Variants in CASK observed in about 807,000 individuals in gnomAD.
CASK encodes the protein peripheral plasma membrane protein CASK.
A neutral mutation model predicts 82.9 loss-of-function variants in CASK; 4 were observed. The ratio of observed to expected loss-of-function variants is 0.05; its 90% CI spans 0.02 to 0.11. The LOEUF (loss-of-function observed/expected upper bound fraction) is 0.11, where lower values mean the gene tolerates loss of function less well. Among genes scored for constraint, CASK ranks in the 10% least tolerant of loss-of-function variants. The pLI is 1.00. For missense variants in CASK, 358 were observed against 720.9 expected (o/e 0.50, Z 5.76); for synonymous variants, 259 against 253.5 (o/e 1.02, Z -0.20).
At chrX:41,532,271 G>T (rs1022459159) in intron 24 of CASK, among the ~76,000 whole-genome samples, 15 of 112,159 alleles carry the variant, frequency 1.3e-4, no homozygotes, top group African/African-American at 4.9e-4. Flanking sequence ...AGTTTTACTG[G>T]AACACAGCCA....
At chrX:41,922,207 A>G (rs1160206829) in intron 1 of CASK, among the ~76,000 whole-genome samples, 1 of 112,129 alleles carries the variant, frequency 8.9e-6, no homozygotes, top group African/African-American at 3.3e-5. Context: ...TATACAACAC[A>G]GATGAAAGGA....
chrX:41,672,273 A>G (rs1344907772), intron 5 of CASK, among the ~76,000 whole-genome samples: 2 of 110,605 alleles, frequency 1.8e-5, no homozygotes, highest in Non-Finnish European at 3.8e-5. Context: ...CCTTTATATC[A>G]TATGCTTTGT....
At chrX:41,754,182 G>C (rs2068848095) in intron 3 of CASK, among the ~76,000 whole-genome samples, 1 of 111,018 alleles carries the variant, frequency 9.0e-6, no homozygotes, top group Non-Finnish European at 1.9e-5. Context: ...AGGATCACTT[G>C]AGCCCAGGAG....
chrX:41,660,134 C>T, intron 8 of CASK: 1 of 370,759 alleles, frequency 2.7e-6, no homozygotes, highest in Non-Finnish European at 4.7e-6. Flanking sequence ...CATGGTATTA[C>T]TTCAGTTGTT....
At chrX:41,737,660 C>T (rs756507714) in intron 5 of CASK, among the ~76,000 whole-genome samples, 56 of 112,443 alleles carry the variant, frequency 5.0e-4, no homozygotes, top group African/African-American at 1.7e-3. Flanking sequence ...GAAAGTATTA[C>T]AGTAGAATAT....
chrX:41,734,929 C>T (rs1479377565), intron 5 of CASK, among the ~76,000 whole-genome samples: 1 of 111,684 alleles, frequency 9.0e-6, no homozygotes, highest in Admixed American at 9.5e-5. Context: ...TTCTTCAGAG[C>T]AAGCAGTTCC....
Position 41,713,125 on chromosome X carries a change from G to T in CASK, c.429+26259C>A, listed in dbSNP as rs192322625. ...TAAATCAGCTCTGTCTAGACAGCGG[G>T]CAAGATGAACCCACTGGACAGTTAC... On this transcript the variant is annotated intron_variant, in intron 5 of 26. Transcript: ENST00000378163. Among the ~76,000 whole-genome samples, 125 of 112,173 alleles carry T rather than the reference G, an allele frequency of 1.1e-3. No individual in the cohort carries two copies. In the Admixed American group the frequency reaches 0.012, roughly 10 times the overall value.
intron 5 of CASK, among the ~76,000 whole-genome samples, chrX:41,690,031 T>G (rs1406186006): frequency 9.0e-6 from 1 of 111,125 alleles, no homozygotes; most frequent in African/African-American, 3.3e-5. Flanking sequence ...AATACTAGGT[T>G]TTTGAACTTG....
In CASK at chrX:41,573,846, C is replaced by A. The variant is rs768910309; in HGVS notation, c.1504-4100G>T. On this transcript the variant is annotated intron_variant, in intron 15 of 26. Coordinates refer to ENST00000378163, the MANE Select transcript of CASK (RefSeq NM_001367721.1). The stretch of plus-strand genomic sequence containing the variant: ...ACATAGTTTGATCCTTTGGGTCTTG[C>A]GTTCATGATCCATTAGGCAGGTCTG... Among the ~76,000 whole-genome samples, 8 of 111,608 alleles carry A rather than the reference C, an allele frequency of 7.2e-5. No individual in the cohort carries two copies. In the South Asian group the frequency reaches 3.0e-3, roughly 42 times the overall value.
rs1418806303 is a variant in CASK at position 41,831,658 on chromosome X, T to C, written c.172+21457A>G. 3.6e-5 allele frequency among the ~76,000 whole-genome samples: 4 copies of C among 112,457 alleles called. No homozygotes were observed. In the Admixed American group the frequency reaches 3.8e-4, roughly 11 times the overall value. ...CTATTGAAGAAGTAAACAATTGAGA[T>C]ATTATAAAGCAACAGTTCAGCTGGG... On this transcript the variant is annotated intron_variant, in intron 2 of 26. Transcript: ENST00000378163.
At chrX:41,619,912 G>A (rs1482778482) in intron 11 of CASK, among the ~76,000 whole-genome samples, 1 of 112,073 alleles carries the variant, frequency 8.9e-6, no homozygotes, top group African/African-American at 3.2e-5. Context: ...ATCAGTTCAC[G>A]TATTTTTCAT....
chrX:41,525,344 A>G (rs1306116710), intron 25 of CASK, among the ~76,000 whole-genome samples: 3 of 111,383 alleles, frequency 2.7e-5, no homozygotes, highest in African/African-American at 9.8e-5. Flanking sequence ...AGAAAGGGCC[A>G]GACTCTCTCT....
At chrX:41,764,492 G>C (rs1336395438) in intron 3 of CASK, among the ~76,000 whole-genome samples, 1 of 111,221 alleles carries the variant, frequency 9.0e-6, no homozygotes, top group Non-Finnish European at 1.9e-5. Context: ...ATATCTTACA[G>C]AGACTTCAAA....
At chrX:41,524,223 A>G (rs898585837) in intron 25 of CASK, 189 bp from the exon 26 acceptor site, 11 of 423,498 alleles carry the variant, frequency 2.6e-5, no homozygotes, top group Non-Finnish European at 4.5e-5. Context: ...AAGGATGGAC[A>G]ATAGCCATCA....
At chrX:41,744,915 C>T (rs945138267) in intron 4 of CASK, among the ~76,000 whole-genome samples, 6 of 111,832 alleles carry the variant, frequency 5.4e-5, no homozygotes, top group African/African-American at 1.9e-4. Flanking sequence ...TACATGGTTC[C>T]TGAGCTATTA....
At chrX:41,807,908 T>A (rs746407690) in intron 2 of CASK, among the ~76,000 whole-genome samples, 30 of 111,526 alleles carry the variant, frequency 2.7e-4, no homozygotes, top group Non-Finnish European at 5.7e-5. Context: ...CAGGCTGGAG[T>A]GCAGTGGCAT....
At chrX:41,861,140 T>C (rs2071468363) in intron 1 of CASK, among the ~76,000 whole-genome samples, 1 of 112,091 alleles carries the variant, frequency 8.9e-6, no homozygotes, top group Non-Finnish European at 1.9e-5. Flanking sequence ...AGTCTAACTA[T>C]AATACACTCA....
chrX:41,661,561 C>T (rs1442581183), intron 7 of CASK, among the ~76,000 whole-genome samples: 1 of 111,516 alleles, frequency 9.0e-6, no homozygotes, highest in Non-Finnish European at 1.9e-5. Context: ...TGAATCATCA[C>T]AATTTGAGCA....
At chrX:41,626,279 C>G (rs1459367888) in intron 10 of CASK, among the ~76,000 whole-genome samples, 1 of 110,287 alleles carries the variant, frequency 9.1e-6, no homozygotes. Flanking sequence ...AGAAGGTAAT[C>G]AGAAAGATCC....
Sources: allele counts gnomAD v4.1 joint callset (sites outside exome capture counted in the v4.1 genomes callset), GRCh38; gene constraint gnomAD v4.1.1; transcripts MANE v1.5; gene names NCBI Gene and HGNC (gene_info 2026-07-23, HGNC 2026-07-21).